ANTXRL: variants seen among roughly 807,000 people sequenced by gnomAD.
ANTXRL encodes the protein anthrax toxin receptor-like.
In ANTXRL, 63 loss-of-function variants were observed where a neutral mutation model predicts 75.4. The ratio of observed to expected loss-of-function variants is 0.84; its 90% CI spans 0.68 to 1.03. The LOEUF (loss-of-function observed/expected upper bound fraction) is 1.03, where lower values mean the gene tolerates loss of function less well. Among genes scored for constraint, ANTXRL ranks in the 50% least tolerant of loss-of-function variants. ANTXRL has a pLI of 0.00. For missense variants in ANTXRL, 797 were observed against 789.4 expected (o/e 1.01, Z -0.12); for synonymous variants, 335 against 291.3 (o/e 1.15, Z -1.53).
At chr10:46,301,868 C>A (rs1837765468) in intron 9 of ANTXRL, among the ~76,000 whole-genome samples, 2 of 152,148 alleles carry the variant, frequency 1.3e-5, no homozygotes, top group African/African-American at 4.8e-5. Context: ...ATGCGTGGGG[C>A]CTGGGCCAGG....
intron 1 of ANTXRL, among the ~76,000 whole-genome samples, chr10:46,291,766 A>T (rs1395772220): frequency 1.3e-5 from 2 of 152,138 alleles, no homozygotes; most frequent in Admixed American, 1.3e-4. Flanking sequence ...CACTCTACAC[A>T]GTGCCCCACC....
At chr10:46,295,571 A>G (rs112443836) in intron 3 of ANTXRL, among the ~76,000 whole-genome samples, 12 of 64,134 alleles carry the variant, frequency 1.9e-4, no homozygotes, top group East Asian at 1.2e-3. Context: ...TCAGGGTTAA[A>G]GTTAGGGTTT....
intron 10 of ANTXRL, among the ~76,000 whole-genome samples, chr10:46,303,280 G>A (rs1187017319): frequency 5.6e-4 from 85 of 152,326 alleles, no homozygotes; most frequent in African/African-American, 1.8e-3. Context: ...ATGCCAGCCT[G>A]TAGGCCTGGG....
chr10:46,330,050 C>T lies in ANTXRL; in HGVS notation c.1862C>T (p.Pro621Leu), dbSNP rs1394458882. Residue 621 changes from proline to leucine, a missense_variant, in exon 17 of 17, where the codon CCT becomes CTT. Coordinates refer to ENST00000620264, the MANE Select transcript of ANTXRL (RefSeq NM_001278688.3). ...SPLLRHTAEP[P>L]LSLPPSEPNF ...CTGCTCAGGCACACGGCAGAACCCC[C>T]TTTGTCACTCCCCCCCTCAGAGCCC... 1 of 1,520,264 alleles carries T rather than the reference C, an allele frequency of 6.6e-7. No individual in the cohort carries two copies. The highest frequency in any genetic ancestry group is 8.8e-7 in the Non-Finnish European group (1 of 1,134,878). The allele number at this position is 1,520,264 out of a possible 1,614,324, so 94.2% of individuals were successfully genotyped here. A position where few individuals can be genotyped will look rare whatever the true frequency, so the allele number is the denominator to read the frequency against.
At chr10:46,305,250 AG>A (rs2132759191) in intron 10 of ANTXRL, among the ~76,000 whole-genome samples, 1 of 152,236 alleles carries the variant, frequency 6.6e-6, no homozygotes, top group South Asian at 2.1e-4. Flanking sequence ...CAGTCCCTGT[AG>A]GGCAGCAGGG....
In ANTXRL at chr10:46,311,646, G is replaced by T. The variant is rs782794714; in HGVS notation, c.1310G>T (p.Gly437Val). ...TGTTGCTGTGGATGCCAAGGAGTGG[G>T]CGGGATGAGAAGGATAGAGGTGAGA... ...IICCCGCQGVGGMRRIEGNLD... is the reference protein window; with the variant it reads ...IICCCGCQGVVGMRRIEGNLD... Residue 437 changes from glycine (G) to valine (V), a missense_variant, in exon 15 of 17, where the codon GGC becomes GTC. Physicochemically the swap from Gly to Val is moderately radical, Grantham distance 109 (BLOSUM62 -3). This residue lies in a region of ANTXRL where 479 missense variants were observed against 422.0 expected (regional missense o/e 1.14). Coordinates refer to ENST00000620264, the MANE Select transcript of ANTXRL (RefSeq NM_001278688.3). The T allele has an allele frequency of 2.8e-5, 33 of 1,176,026 alleles. No individual in the cohort carries two copies. Among genetic ancestry groups the T allele is most frequent in the South Asian group, 2.6e-4 (20 of 76,940 alleles). The allele number at this position is 1,176,026 out of a possible 1,614,324, so 72.8% of individuals were successfully genotyped here.
intron 16 of ANTXRL, among the ~76,000 whole-genome samples, chr10:46,327,356 G>A (rs1425438539): frequency 2.0e-5 from 3 of 152,204 alleles, no homozygotes; most frequent in African/African-American, 7.2e-5. Context: ...GACTAGATTT[G>A]GGGATGGGTG....
At chr10:46,314,577 G>A (rs1372528942) in intron 16 of ANTXRL, among the ~76,000 whole-genome samples, 1 of 152,032 alleles carries the variant, frequency 6.6e-6, no homozygotes, top group Non-Finnish European at 1.5e-5. Context: ...GACAGGGGAT[G>A]GAGCAAGTCG....
rs530647142 is a variant in ANTXRL at position 46,316,330 on chromosome 10, A to G, written c.1410+3014A>G. 5.3e-5 allele frequency among the ~76,000 whole-genome samples: 8 copies of G among 152,202 alleles called. No homozygotes were observed. The South Asian group carries it at 1.7e-3, about 32-fold the overall frequency. Reference sequence around the variant, plus strand: ...TTAAGGTGGGCCAGACACTGTTGCAACTACATTCCACAAACTAATATATGC... The same window carrying G: ...TTAAGGTGGGCCAGACACTGTTGCAGCTACATTCCACAAACTAATATATGC... On this transcript the variant is annotated intron_variant, in intron 16 of 16. Coordinates refer to ENST00000620264, the MANE Select transcript of ANTXRL (RefSeq NM_001278688.3).
chr10:46,314,696 C>T (rs1394417097), intron 16 of ANTXRL, among the ~76,000 whole-genome samples: 1 of 152,124 alleles, frequency 6.6e-6, no homozygotes, highest in African/African-American at 2.4e-5. Context: ...CTGCTCAGGG[C>T]TCTGCCAGGC....
chr10:46,314,792 G>A (rs1838631976), intron 16 of ANTXRL, among the ~76,000 whole-genome samples: 2 of 152,108 alleles, frequency 1.3e-5, no homozygotes, highest in Admixed American at 6.6e-5. Context: ...CAAAATAGAG[G>A]CCCAGAGTGG....
chr10:46,291,949 G>C (rs1213287673), intron 1 of ANTXRL, 109 bp from the exon 2 acceptor site: 2 of 975,160 alleles, frequency 2.1e-6, no homozygotes, highest in Non-Finnish European at 3.1e-6. Context: ...AGCTGTGCTG[G>C]GGTCAGGAGA....
intron 15 of ANTXRL, among the ~76,000 whole-genome samples, chr10:46,312,603 A>AGT (rs1346511461): frequency 1.4e-5 from 2 of 143,660 alleles, no homozygotes; most frequent in South Asian, 2.4e-4. Context: ...CTCTCCTCAG[A>AGT]GTGTGGGGCA....
In ANTXRL at chr10:46,293,896, G is replaced by T. The variant is rs1306017771; in HGVS notation, c.388G>T (p.Asp130Tyr). The T allele has an allele frequency of 3.1e-5, 48 of 1,535,416 alleles. No homozygotes were observed. Among genetic ancestry groups the T allele is most frequent in the Non-Finnish European group, 4.1e-5 (47 of 1,146,524 alleles). Residue 130 changes from aspartate (D) to tyrosine (Y), a missense_variant, in exon 3 of 17, where the codon GAC becomes TAC. By Grantham distance (160) the Asp-to-Tyr change is radical (BLOSUM62 -3). Around this residue, in one of 3 missense-constraint regions of ANTXRL, gnomAD observed 262 missense variants for 271.9 expected, o/e 0.96. Transcript: ENST00000620264. Reference sequence around the variant, plus strand: ...CCAGACTGTCTTGCCACTCACCTCAGACAAGTGAGTGCTGCTTTGAGCCCC... The same window carrying T: ...CCAGACTGTCTTGCCACTCACCTCATACAAGTGAGTGCTGCTTTGAGCCCC... ...DGQTVLPLTSDKNRIKNGLDQ... is the reference protein window; with the variant it reads ...DGQTVLPLTSYKNRIKNGLDQ...
chr10:46,307,504 A>G, intron 12 of ANTXRL, 24 bp downstream of exon 12: 1 of 1,524,072 alleles, frequency 6.6e-7, no homozygotes, highest in Non-Finnish European at 8.8e-7. Flanking sequence ...TGGGGCTGCA[A>G]ACATGTATGA....
chr10:46,294,037 T>C, intron 3 of ANTXRL, 137 bp downstream of exon 3: 1 of 736,994 alleles, frequency 1.4e-6, no homozygotes, highest in East Asian at 2.7e-5. Context: ...CAACTCACAG[T>C]ACCCACCTGA....
chr10:46,319,070 G>T (rs1409027856), intron 16 of ANTXRL, among the ~76,000 whole-genome samples: 2 of 152,166 alleles, frequency 1.3e-5, no homozygotes, highest in African/African-American at 4.8e-5. Flanking sequence ...CATTATAGAA[G>T]TATACTCCGC....
Position 46,312,827 on chromosome 10 carries a change from AG to A in ANTXRL, c.1330-406del, listed in dbSNP as rs542726205. ...GGTGTCAGGTACCTACTCCCTGAGC[AG>A]GGCATGGTCCTCTCACCTGCCTTCC... is the stretch of plus-strand genomic sequence containing the variant. On this transcript the variant is annotated intron_variant, in intron 15 of 16. Transcript: ENST00000620264. Among the ~76,000 whole-genome samples, 13 of 149,984 alleles carry A rather than the reference AG, an allele frequency of 8.7e-5. No homozygotes were observed. The South Asian group carries it at 2.8e-3, about 32-fold the overall frequency.
chr10:46,295,831 G>A (rs1307179564), intron 3 of ANTXRL, among the ~76,000 whole-genome samples, 188 bp from the exon 4 acceptor site: 22 of 152,144 alleles, frequency 1.4e-4, no homozygotes, highest in Admixed American at 5.9e-4. Context: ...TAACTCGGAT[G>A]AGCTCAGAAG....
Sources: allele counts gnomAD v4.1 joint callset (sites outside exome capture counted in the v4.1 genomes callset), GRCh38; gene constraint gnomAD v4.1.1; regional missense constraint gnomAD v4.1.1; transcripts MANE v1.5; gene names NCBI Gene and HGNC (gene_info 2026-07-23, HGNC 2026-07-21).